LRMDA: variants seen among roughly 807,000 people sequenced by gnomAD.
LRMDA encodes leucine-rich melanocyte differentiation-associated protein.
In LRMDA, 18 loss-of-function variants were observed where a neutral mutation model predicts 29.8. The ratio of observed to expected loss-of-function variants is 0.60; its 90% CI spans 0.42 to 0.90. The LOEUF is 0.90. LRMDA is among the 40% of genes least tolerant of loss of function. The pLI is 0.00. For synonymous variants in LRMDA, 125 were observed against 109.4 expected (o/e 1.14, Z -0.89); for missense variants, 273 against 273.9 (o/e 1.00, Z 0.02).
chr10:75,834,074 G>A (rs1844392387), intron 2 of LRMDA, among the ~76,000 whole-genome samples: 1 of 152,142 alleles, frequency 6.6e-6, no homozygotes, highest in Non-Finnish European at 1.5e-5. Flanking sequence ...TTATCAGCCT[G>A]TTTCTTGTCT....
rs1261025940 is a variant in LRMDA at position 75,996,866 on chromosome 10, G to A, written c.132-39142G>A. 2.0e-5 allele frequency among the ~76,000 whole-genome samples: 3 copies of A among 151,858 alleles called. No homozygotes were observed. In the East Asian group the frequency reaches 5.8e-4, roughly 30 times the overall value. On this transcript the variant is annotated intron_variant, in intron 2 of 6. Coordinates refer to ENST00000611255, the MANE Select transcript of LRMDA (RefSeq NM_001305581.2). ...TCCTGCCTCAGCCTCCCGAGTAGCT[G>A]AGACTACAGGCGCCCGCCACCATGC...
chr10:76,301,826 C>T (rs984861460), intron 5 of LRMDA, among the ~76,000 whole-genome samples: 6 of 152,156 alleles, frequency 3.9e-5, no homozygotes, highest in Admixed American at 1.3e-4. Context: ...TAAATACGAT[C>T]GCGCTAGAGA....
chr10:75,468,941 A>C (rs1381483302), intron 2 of LRMDA, among the ~76,000 whole-genome samples: 1 of 152,106 alleles, frequency 6.6e-6, no homozygotes, highest in South Asian at 2.1e-4. Flanking sequence ...CTAGGACGAG[A>C]GGAAAAAAGG....
chr10:75,831,654 T>A (rs775557055), intron 2 of LRMDA, among the ~76,000 whole-genome samples: 2 of 152,152 alleles, frequency 1.3e-5, no homozygotes, highest in Non-Finnish European at 2.9e-5. Context: ...CAATCCCACA[T>A]TTCCTGGCCA....
Position 75,593,366 on chromosome 10 carries a change from G to T in LRMDA, c.131+154872G>T, listed in dbSNP as rs551624475. Among the ~76,000 whole-genome samples, 10 of 152,326 alleles carry T rather than the reference G, an allele frequency of 6.6e-5. No individual in the cohort carries two copies. The East Asian group carries it at 1.9e-3, about 29-fold the overall frequency. ...GCTGAGGAAAGCAACATTATCTCCAGCAGTAAACTCTGCAGTCATTGCAAA... is the reference window on the plus strand; with the variant it reads ...GCTGAGGAAAGCAACATTATCTCCATCAGTAAACTCTGCAGTCATTGCAAA... On this transcript the variant is annotated intron_variant, in intron 2 of 6. Coordinates refer to ENST00000611255, the MANE Select transcript of LRMDA (RefSeq NM_001305581.2).
chr10:76,025,313 C>A (rs1243498869), intron 2 of LRMDA, among the ~76,000 whole-genome samples: 4 of 147,610 alleles, frequency 2.7e-5, no homozygotes, highest in Non-Finnish European at 6.0e-5. Context: ...ACACCTGCTC[C>A]TTGTCTCTGT....
rs1171608404 is a variant in LRMDA, at chr10:76,032,830, C to T, written c.132-3178C>T. ...AGCCCCCAGCCCATACCTCAGACAT[C>T]GCACTACTCCAGGAAGCTGGTGAGT... On this transcript the variant is annotated intron_variant, in intron 2 of 6. Coordinates refer to ENST00000611255, the MANE Select transcript of LRMDA (RefSeq NM_001305581.2). Among the ~76,000 whole-genome samples, 3 of 152,142 alleles carry T rather than the reference C, an allele frequency of 2.0e-5. No homozygotes were observed. In the East Asian group the frequency reaches 5.8e-4, roughly 29 times the overall value.
At chr10:76,104,897 A>G (rs1403080236) in intron 5 of LRMDA, among the ~76,000 whole-genome samples, 4 of 151,994 alleles carry the variant, frequency 2.6e-5, no homozygotes, top group Non-Finnish European at 4.4e-5. Flanking sequence ...TGTCCCAACC[A>G]TACTGGCTCC....
intron 2 of LRMDA, among the ~76,000 whole-genome samples, chr10:75,973,769 G>T (rs1847023314): frequency 6.6e-6 from 1 of 152,096 alleles, no homozygotes; most frequent in African/African-American, 2.4e-5. Context: ...GATGAATAAT[G>T]ACAGCACCGT....
chr10:75,498,655 T>G (rs1845076749), intron 2 of LRMDA, among the ~76,000 whole-genome samples: 1 of 152,018 alleles, frequency 6.6e-6, no homozygotes, highest in Admixed American at 6.6e-5. Context: ...AGGGATTGAT[T>G]TATGAGGAAA....
chr10:75,900,779 C>T (rs919047524), intron 2 of LRMDA, among the ~76,000 whole-genome samples: 1 of 152,126 alleles, frequency 6.6e-6, no homozygotes, highest in African/African-American at 2.4e-5. Flanking sequence ...CATGCCCACC[C>T]CCCCACCTTT....
At chr10:75,613,823 T>C (rs1372473677) in intron 2 of LRMDA, among the ~76,000 whole-genome samples, 1 of 152,214 alleles carries the variant, frequency 6.6e-6, no homozygotes, top group Non-Finnish European at 1.5e-5. Context: ...CTAGTAATAC[T>C]ATAGCGACTC....
At chr10:75,909,218 A>G (rs1022336344) in intron 2 of LRMDA, among the ~76,000 whole-genome samples, 3 of 152,218 alleles carry the variant, frequency 2.0e-5, no homozygotes, top group African/African-American at 7.2e-5. Flanking sequence ...TTAAGGGAGG[A>G]GAACCCAAAG....
chr10:76,436,355 A>G (rs1395248700), intron 6 of LRMDA, among the ~76,000 whole-genome samples: 1 of 152,208 alleles, frequency 6.6e-6, no homozygotes, highest in Non-Finnish European at 1.5e-5. Flanking sequence ...AAGGGTGGAA[A>G]ATGAAACCAG....
intron 2 of LRMDA, among the ~76,000 whole-genome samples, chr10:75,908,013 G>A (rs987021766): frequency 6.6e-6 from 1 of 152,190 alleles, no homozygotes; most frequent in African/African-American, 2.4e-5. Context: ...GTGATGAGTT[G>A]GAGGAATCAC....
intron 2 of LRMDA, among the ~76,000 whole-genome samples, chr10:75,625,566 A>G (rs1841240172): frequency 6.6e-6 from 1 of 152,122 alleles, no homozygotes; most frequent in East Asian, 1.9e-4. Flanking sequence ...TTAGTTATTT[A>G]TCTAGGTGAA....
At chr10:76,096,766 T>G (rs4745812) in intron 5 of LRMDA, among the ~76,000 whole-genome samples, 73,279 of 151,882 alleles carry the variant, frequency 0.48, 17,906 homozygotes, top group African/African-American at 0.51. Flanking sequence ...GATCTTTTTA[T>G]AACTTTTAAT....
intron 6 of LRMDA, among the ~76,000 whole-genome samples, chr10:76,513,875 G>A (rs997257269): frequency 6.6e-6 from 1 of 151,752 alleles, no homozygotes; most frequent in Admixed American, 6.6e-5. Flanking sequence ...TATGCCACAG[G>A]GTGACTGTTT....
rs61209535 is a variant in LRMDA at position 75,702,864 on chromosome 10, T to C, written c.131+264370T>C. On this transcript the variant is annotated intron_variant, in intron 2 of 6. Transcript: ENST00000611255. ...GGGAGTGAGAATAATAATTTTGAGG[T>C]GATGAAAATAAATACTCAACTGACT... 4.0e-3 allele frequency among the ~76,000 whole-genome samples: 602 copies of C among 152,218 alleles called. 2 individuals are homozygous for C. The highest frequency in any genetic ancestry group is 0.012 in the African/African-American group (500 of 41,506).
Sources: gnomAD v4.1 joint callset for allele counts (sites outside exome capture counted in the v4.1 genomes callset) on GRCh38, gnomAD v4.1.1 for gene constraint, MANE v1.5 for transcripts, NCBI Gene and HGNC (gene_info 2026-07-23, HGNC 2026-07-21) for gene names.